The following KALRN variants were observed in gnomAD, a reference collection of about 807,000 sequenced individuals.
KALRN encodes the protein kalirin.
KALRN carries 70 observed loss-of-function variants against 353.7 expected under a neutral mutation model. The observed-to-expected ratio is 0.20, with a 90% CI of 0.16 to 0.24. The LOEUF (loss-of-function observed/expected upper bound fraction) is 0.24. Among genes scored for constraint, KALRN ranks in the 10% least tolerant of loss-of-function variants. The pLI is 1.00. For synonymous variants in KALRN, 1,391 were observed against 1,434.8 expected (o/e 0.97, Z 0.69); for missense variants, 2,791 against 3,756.7 (o/e 0.74, Z 6.72).
In KALRN at chr3:124,298,377, C is replaced by A. The variant is rs564535809; in HGVS notation, c.970-414C>A. ...GGGCAGTGTATAAGGGGGGCAGAGG[C>A]GAGTAAGGATGTCCCTGTTGCTTCC... On this transcript the variant is annotated intron_variant, in intron 5 of 59. Transcript: ENST00000682506. 3.6e-4 allele frequency among the ~76,000 whole-genome samples: 55 copies of A among 152,208 alleles called. 1 individual carries two copies. Among genetic ancestry groups the A allele is most frequent in the African/African-American group, 1.3e-3 (55 of 41,534 alleles).
chr3:124,468,343 AG>A lies in KALRN; in HGVS notation c.4031+5718del, dbSNP rs537925841. Among the ~76,000 whole-genome samples the A allele has an allele frequency of 2.6e-5, 4 of 152,054 alleles. No homozygotes were observed. In the East Asian group the frequency reaches 5.8e-4, roughly 22 times the overall value. On this transcript the variant is annotated intron_variant, in intron 25 of 59. Transcript: ENST00000682506. The stretch of plus-strand genomic sequence containing the variant: ...TGATTTTACAACCCCTTGAAACACA[AG>A]GGGGGGGTTGATCCATGGCTGCACG...
intron 6 of KALRN, among the ~76,000 whole-genome samples, chr3:124,304,407 A>T (rs1033632915): frequency 6.6e-6 from 1 of 152,198 alleles, no homozygotes; most frequent in African/African-American, 2.4e-5. Flanking sequence ...CCAGGATTGT[A>T]AACAAGTTCC....
intron 34 of KALRN, among the ~76,000 whole-genome samples, chr3:124,582,018 ATTTTT>A (rs71625758): frequency 0.26 from 34,923 of 136,112 alleles, 4,318 homozygotes; most frequent in Middle Eastern, 0.35. Context: ...AACATGAGCT[ATTTTT>A]TTTTTTTTTT....
chr3:124,385,875 C>T (rs2088193912), intron 11 of KALRN, among the ~76,000 whole-genome samples: 1 of 151,924 alleles, frequency 6.6e-6, no homozygotes, highest in Non-Finnish European at 1.5e-5. Flanking sequence ...CAGATGAACT[C>T]ATTAGGTGTA....
intron 50 of KALRN, 119 bp downstream of exon 50, chr3:124,678,432 A>T: frequency 9.2e-7 from 1 of 1,085,406 alleles, no homozygotes; most frequent in Middle Eastern, 2.4e-4. Context: ...TGGGTACCAG[A>T]GGGGAAGTAG....
intron 12 of KALRN, among the ~76,000 whole-genome samples, chr3:124,398,038 GA>G (rs1471849748): frequency 1.3e-5 from 2 of 152,244 alleles, no homozygotes; most frequent in African/African-American, 4.8e-5. Flanking sequence ...GAGGCTCAGA[GA>G]GGTGATTTCC....
At chr3:124,139,851 C>T (rs1322714819) in intron 1 of KALRN, among the ~76,000 whole-genome samples, 1 of 152,142 alleles carries the variant, frequency 6.6e-6, no homozygotes, top group East Asian at 1.9e-4. Flanking sequence ...TCTGAAAGGG[C>T]TTCCTGGTTT....
At chr3:124,063,818 A>C (rs1354862019) in intron 1 of KALRN, among the ~76,000 whole-genome samples, 2 of 152,172 alleles carry the variant, frequency 1.3e-5, no homozygotes, top group Non-Finnish European at 2.9e-5. Flanking sequence ...AGGGTGTTCC[A>C]TATGTAAAGC....
chr3:124,380,282 G>A (rs948132322), intron 10 of KALRN, among the ~76,000 whole-genome samples: 1 of 152,208 alleles, frequency 6.6e-6, no homozygotes, highest in African/African-American at 2.4e-5. Context: ...AATTATCCTA[G>A]AATGTTCTGT....
chr3:124,415,685 T>C (rs2092456379), intron 14 of KALRN, among the ~76,000 whole-genome samples: 1 of 152,214 alleles, frequency 6.6e-6, no homozygotes, highest in Non-Finnish European at 1.5e-5. Context: ...GTTGCTTAAA[T>C]AGTCTAAGGG....
At chr3:124,398,972 C>A in intron 13 of KALRN, 101 bp downstream of exon 13, 1 of 1,231,602 alleles carries the variant, frequency 8.1e-7, no homozygotes, top group Non-Finnish European at 1.1e-6. Flanking sequence ...GAAATTAGAG[C>A]ATCCAGCATG....
At chr3:124,365,389 A>G (rs1047761895) in intron 10 of KALRN, among the ~76,000 whole-genome samples, 1 of 152,170 alleles carries the variant, frequency 6.6e-6, no homozygotes, top group Non-Finnish European at 1.5e-5. Context: ...TCCCAACACT[A>G]CAGTATGGTT....
At chr3:124,604,158 TTTA>T (rs2077086645) in intron 34 of KALRN, among the ~76,000 whole-genome samples, 1 of 150,486 alleles carries the variant, frequency 6.6e-6, no homozygotes, top group Admixed American at 6.6e-5. Flanking sequence ...TTTTTTTAAA[TTTA>T]TTATTATACT....
At chr3:124,617,962 C>T (rs1561436278) in intron 34 of KALRN, among the ~76,000 whole-genome samples, 1 of 151,660 alleles carries the variant, frequency 6.6e-6, no homozygotes, top group Non-Finnish European at 1.5e-5. Context: ...AGAGATATAT[C>T]AAATGAATAG....
rs182703470 is a variant in KALRN at position 124,465,498 on chromosome 3, A to G, written c.4031+2865A>G. Among the ~76,000 whole-genome samples, 65 of 152,348 alleles carry G rather than the reference A, an allele frequency of 4.3e-4. No individual in the cohort carries two copies. In the East Asian group the frequency reaches 7.3e-3, roughly 17 times the overall value. On this transcript the variant is annotated intron_variant, in intron 25 of 59. Transcript: ENST00000682506. ...TAAAAGTCTCAAGACAGAGAAAACC[A>G]TTAGGTATGATTTTTTCCCCATCAC...
chr3:124,241,965 A>T (rs916717304), intron 3 of KALRN, among the ~76,000 whole-genome samples: 3 of 152,212 alleles, frequency 2.0e-5, no homozygotes. Flanking sequence ...AGTTCCAGAA[A>T]CTCAAGATGT....
At chr3:124,449,658 T>A (rs1047391801) in intron 21 of KALRN, among the ~76,000 whole-genome samples, 2 of 152,218 alleles carry the variant, frequency 1.3e-5, no homozygotes, top group Non-Finnish European at 2.9e-5. Context: ...ACATTTTCAT[T>A]ACCCTAGAAA....
At chr3:124,055,234 G>C (rs895851075) in intron 1 of KALRN, among the ~76,000 whole-genome samples, 2 of 152,182 alleles carry the variant, frequency 1.3e-5, no homozygotes, top group African/African-American at 4.8e-5. Flanking sequence ...TTAATTTTCT[G>C]TCATTCCCAT....
At chr3:124,227,836 C>T (rs140198496) in intron 1 of KALRN, among the ~76,000 whole-genome samples, 154 bp from the exon 2 acceptor site, 2 of 151,918 alleles carry the variant, frequency 1.3e-5, no homozygotes, top group South Asian at 4.2e-4. Context: ...CCTTCTGTTG[C>T]AGACCCTCTC....
Sources: allele counts gnomAD v4.1 joint callset (sites outside exome capture counted in the v4.1 genomes callset), GRCh38; gene constraint gnomAD v4.1.1; transcripts MANE v1.5; gene names NCBI Gene and HGNC (gene_info 2026-07-23, HGNC 2026-07-21).